Variants in MBL2 observed in about 807,000 individuals in gnomAD.
The protein encoded by MBL2 is mannose-binding protein C.
In MBL2, 6 loss-of-function variants were observed where a neutral mutation model predicts 12.7. That is an observed-to-expected ratio of 0.47 (90% confidence interval 0.26 to 0.94). The LOEUF (loss-of-function observed/expected upper bound fraction) is 0.94. Ranked by LOEUF, MBL2 falls within the 40% of genes least tolerant of loss-of-function variation. The pLI is 0.15. For synonymous variants in MBL2, 114 were observed against 112.0 expected (o/e 1.02, Z -0.11); for missense variants, 307 against 295.2 (o/e 1.04, Z -0.29).
chr10:52,771,361 C>T, intron 2 of MBL2, 88 bp downstream of exon 2: 3 of 1,438,332 alleles, frequency 2.1e-6, no homozygotes, highest in Non-Finnish European at 2.8e-6. Context: ...GAAAAATATA[C>T]TCAAATAGGA....
In MBL2 at chr10:52,768,459, T is replaced by C. The variant is rs751956734; in HGVS notation, c.425A>G (p.Asn142Ser). 94 of 1,604,824 alleles carry C rather than the reference T, an allele frequency of 5.9e-5. No homozygotes were observed. The highest frequency in any genetic ancestry group is 7.6e-5 in the Non-Finnish European group (90 of 1,176,660). ...TTTTTCAAAGGTCATTATTTCACCA[T>C]TGGTCAGGAAGAACTTGTTCCCAAC... The part of the protein sequence containing the change: ...KQVGNKFFLT[N>S]GEIMTFEKVK... The change falls in exon 5 of 5, where the codon AAT (asparagine) becomes AGT (serine). Residue 142 changes from asparagine (N) to serine (S), a missense_variant. Coordinates refer to ENST00000674931, the MANE Select transcript of MBL2 (RefSeq NM_001378373.1).
chr10:52,768,045 A>G lies in MBL2; in HGVS notation c.*92T>C, dbSNP rs1011311483. On this transcript the variant is annotated 3_prime_UTR_variant, in exon 5 of 5. Transcript: ENST00000674931. ...GCCCACAAAAGGAACAATACTGGATATGAGGAAATTGATATAATTTATCTT... is the reference window on the plus strand; with the variant it reads ...GCCCACAAAAGGAACAATACTGGATGTGAGGAAATTGATATAATTTATCTT... The G allele has an allele frequency of 6.2e-6, 9 of 1,461,330 alleles. No individual in the cohort carries two copies. The African/African-American group carries it at 1.3e-4, about 21-fold the overall frequency. The allele number at this position is 1,461,330 out of a possible 1,614,324, so 90.5% of individuals were successfully genotyped here.
Position 52,768,360 on chromosome 10 carries a change from T to C in MBL2, c.524A>G (p.Gln175Arg), listed in dbSNP as rs2132691195. The C allele has an allele frequency of 6.2e-7, 1 of 1,613,972 alleles. No individual in the cohort carries two copies. The highest frequency in any genetic ancestry group is 8.5e-7 in the Non-Finnish European group (1 of 1,180,002). The change falls in exon 5 of 5, where the codon CAG (glutamine) becomes CGG (arginine). Residue 175 changes from glutamine to arginine, a missense_variant. By Grantham distance (43) the Gln-to-Arg change is conservative. Coordinates refer to ENST00000674931, the MANE Select transcript of MBL2 (RefSeq NM_001378373.1). ...PRNAAENGAI[Q>R]NLIKEEAFLG... ...GAAGGCTTCCTCCTTGATGAGATTC[T>C]GAATGGCTCCATTCTCTGCAGCATT... is the stretch of plus-strand genomic sequence containing the variant.
At chr10:52,769,734 T>A (rs539671819) in intron 3 of MBL2, among the ~76,000 whole-genome samples, 1 of 152,308 alleles carries the variant, frequency 6.6e-6, no homozygotes, top group African/African-American at 2.4e-5. Flanking sequence ...TTGGAGAGGT[T>A]TTGCTTTTGA....
chr10:52,769,406 GA>G (rs199674444), intron 3 of MBL2, 91 bp from the exon 4 acceptor site: 88 of 630,294 alleles, frequency 1.4e-4, no homozygotes, highest in East Asian at 2.4e-4. Flanking sequence ...TTTTCAAACT[GA>G]AAAAAAAAGC....
Position 52,772,425 on chromosome 10 carries a change from A to T in MBL2, c.-10+312T>A, listed in dbSNP as rs189673612. On this transcript the variant is annotated intron_variant, in intron 1 of 4. Transcript: ENST00000674931. ...ATCCTCCTCCCATTTCTCAGTATTA[A>T]CCTTTCATTTGTTCTTCAGAGCTTT... is the stretch of plus-strand genomic sequence containing the variant. 1.1e-4 allele frequency among the ~76,000 whole-genome samples: 16 copies of T among 152,122 alleles called. No individual in the cohort carries two copies. The East Asian group carries it at 2.9e-3, about 28-fold the overall frequency.
At chr10:52,770,236 T>A (rs905320974) in intron 3 of MBL2, among the ~76,000 whole-genome samples, 4 of 152,236 alleles carry the variant, frequency 2.6e-5, no homozygotes, top group African/African-American at 9.6e-5. Flanking sequence ...CCCACAGACT[T>A]GTGATTTAAA....
At chr10:52,770,383 G>T (rs548047481) in intron 3 of MBL2, among the ~76,000 whole-genome samples, 7 of 152,300 alleles carry the variant, frequency 4.6e-5, no homozygotes, top group Admixed American at 4.6e-4. Context: ...CTCCCTCTAG[G>T]ACCAGGGCCT....
Position 52,765,758 on chromosome 10 carries a change from T to C in MBL2, c.*2379A>G, listed in dbSNP as rs2132688584. 6.6e-6 allele frequency: 1 copy of C among 152,232 alleles called. No homozygotes were observed. Among genetic ancestry groups the C allele is most frequent in the South Asian group, 2.1e-4 (1 of 4,824 alleles). The allele number at this position is 152,232 out of a possible 1,614,324, so 9.4% of individuals were successfully genotyped here. A position where few individuals can be genotyped will look rare whatever the true frequency, so the allele number is the denominator to read the frequency against. ...CAGGAGTCTATACCTGATCTGGTGG[T>C]CTCTGTATTGGGGTTGCTAACCAGT... On this transcript the variant is annotated 3_prime_UTR_variant, in exon 5 of 5. Coordinates refer to ENST00000674931, the MANE Select transcript of MBL2 (RefSeq NM_001378373.1).
Position 52,768,018 on chromosome 10 carries a change from T to C in MBL2, c.*119A>G. The C allele has an allele frequency of 1.6e-6, 2 of 1,285,996 alleles. No homozygotes were observed. Among genetic ancestry groups the C allele is most frequent in the African/African-American group, 1.5e-5 (1 of 66,780 alleles). 79.7% of individuals were successfully genotyped at this position (1,285,996 alleles called of 1,614,324 possible). On this transcript the variant is annotated 3_prime_UTR_variant, in exon 5 of 5. Coordinates refer to ENST00000674931, the MANE Select transcript of MBL2 (RefSeq NM_001378373.1). ...TGCTGTTAGTGATCATTTTTAGTGA[T>C]TGCCCACAAAAGGAACAATACTGGA...
In MBL2 at chr10:52,769,228, A is replaced by T. The variant is rs1840353283; in HGVS notation, c.373+19T>A. ...TTCCCAAACTTCAAGCTGCCTGGAG[A>T]GTAAGAGAAAAAGCTTACACTTTTT... On this transcript the variant is annotated intron_variant, in intron 4 of 4. Coordinates refer to ENST00000674931, the MANE Select transcript of MBL2 (RefSeq NM_001378373.1). The T allele has an allele frequency of 3.8e-6, 6 of 1,573,388 alleles. No individual in the cohort carries two copies. The highest frequency in any genetic ancestry group is 5.2e-6 in the Non-Finnish European group (6 of 1,154,870).
At position 52,768,462 on chromosome 10, in the gene MBL2, G is replaced by A. The variant is rs755256959; in HGVS notation, c.422C>T (p.Thr141Ile). The A allele has an allele frequency of 3.4e-5, 55 of 1,602,482 alleles. No homozygotes were observed. The highest frequency in any genetic ancestry group is 1.7e-4 in the Middle Eastern group (1 of 5,988). ...TTCAAAGGTCATTATTTCACCATTGGTCAGGAAGAACTTGTTCCCAACTTG... is the reference window on the plus strand; with the variant it reads ...TTCAAAGGTCATTATTTCACCATTGATCAGGAAGAACTTGTTCCCAACTTG... ...GKQVGNKFFLTNGEIMTFEKV... is the reference protein window; with the variant it reads ...GKQVGNKFFLINGEIMTFEKV... Residue 141 changes from threonine (T) to isoleucine (I), a missense_variant, in exon 5 of 5, where the codon ACC becomes ATC. Coordinates refer to ENST00000674931, the MANE Select transcript of MBL2 (RefSeq NM_001378373.1).
Position 52,768,228 on chromosome 10 carries a change from T to A in MBL2, c.656A>T (p.Asp219Val), listed in dbSNP as rs780449116. ...NEGEPNNAGS[D>V]EDCVLLLKNG... is the part of the protein sequence containing the mutation. Reference sequence around the variant, plus strand: ...TTTCAGTAGCAATACACAATCTTCATCAGAACCAGCATTGTTGGGTTCACC... The same window carrying A: ...TTTCAGTAGCAATACACAATCTTCAACAGAACCAGCATTGTTGGGTTCACC... The change falls in exon 5 of 5, where the codon GAT (aspartate) becomes GTT (valine). Residue 219 changes from aspartate to valine, a missense_variant. Physicochemically the swap from Asp to Val is radical, Grantham distance 152. Transcript: ENST00000674931. The A allele has an allele frequency of 4.3e-6, 7 of 1,613,744 alleles. No individual in the cohort carries two copies. The East Asian group carries it at 1.6e-4, about 36-fold the overall frequency.
chr10:52,772,607 C>G (rs573276630), intron 1 of MBL2, 130 bp downstream of exon 1: 14 of 346,122 alleles, frequency 4.0e-5, no homozygotes, highest in Non-Finnish European at 4.9e-5. Context: ...AAGAGACATC[C>G]TCAACCTGAT....
Position 52,768,037 on chromosome 10 carries a change from T to C in MBL2, c.*100A>G, listed in dbSNP as rs1000167296. 39 of 1,438,782 alleles carry C rather than the reference T, an allele frequency of 2.7e-5. No individual in the cohort carries two copies. Among genetic ancestry groups the C allele is most frequent in the Non-Finnish European group, 3.6e-5 (39 of 1,070,308 alleles). 89.1% of individuals were successfully genotyped at this position (1,438,782 alleles called of 1,614,324 possible). On this transcript the variant is annotated 3_prime_UTR_variant, in exon 5 of 5. Transcript: ENST00000674931. ...TAGTGATTGCCCACAAAAGGAACAA[T>C]ACTGGATATGAGGAAATTGATATAA...
rs56129213 is a variant in MBL2, at chr10:52,767,322, C to T, written c.*815G>A. 5 of 152,082 alleles carry T rather than the reference C, an allele frequency of 3.3e-5. No homozygotes were observed. In the South Asian group the frequency reaches 1.0e-3, roughly 32 times the overall value. The allele number at this position is 152,082 out of a possible 1,614,324, so 9.4% of individuals were successfully genotyped here. ...CTACATGGCAATGAAAAGGATGAAA[C>T]TTTTGTACACATGACATGAATGAAT... On this transcript the variant is annotated 3_prime_UTR_variant, in exon 5 of 5. Coordinates refer to ENST00000674931, the MANE Select transcript of MBL2 (RefSeq NM_001378373.1).
In MBL2 at chr10:52,766,178, T is replaced by C. The variant is rs564195306; in HGVS notation, c.*1959A>G. 6.6e-6 allele frequency: 1 copy of C among 152,290 alleles called. No individual in the cohort carries two copies. The highest frequency in any genetic ancestry group is 1.5e-5 in the Non-Finnish European group (1 of 68,030). The allele number at this position is 152,290 out of a possible 1,614,324, so 9.4% of individuals were successfully genotyped here. On this transcript the variant is annotated 3_prime_UTR_variant, in exon 5 of 5. Coordinates refer to ENST00000674931, the MANE Select transcript of MBL2 (RefSeq NM_001378373.1). ...TGCATAAGTTGATTGATAGACTCAA[T>C]GTGGTCCCAGTAGAAACCTCATCAG...
intron 1 of MBL2, among the ~76,000 whole-genome samples, chr10:52,772,174 TCTCAACCTCAGATCAAC>T (rs1255439546): frequency 6.6e-6 from 1 of 152,150 alleles, no homozygotes; most frequent in Non-Finnish European, 1.5e-5. Context: ...AAGAGGAAGG[TCTCAACCTCAGATCAAC>T]CTCAACCTTA....
Position 52,771,662 on chromosome 10 carries a change from C to A in MBL2, c.-9-18G>T, listed in dbSNP as rs376929554. Reference sequence around the variant, plus strand: ...GTCCTCACCTTGGTGTGAGAAAACTCAGGGAAGGTTAATCTCAGTTAATGA... The same window carrying A: ...GTCCTCACCTTGGTGTGAGAAAACTAAGGGAAGGTTAATCTCAGTTAATGA... On this transcript the variant is annotated intron_variant, in intron 1 of 4. Coordinates refer to ENST00000674931, the MANE Select transcript of MBL2 (RefSeq NM_001378373.1). 7 of 1,606,492 alleles carry A rather than the reference C, an allele frequency of 4.4e-6. No homozygotes were observed. Among genetic ancestry groups the A allele is most frequent in the Non-Finnish European group, 6.0e-6 (7 of 1,175,932 alleles).
Sources: allele counts gnomAD v4.1 joint callset (sites outside exome capture counted in the v4.1 genomes callset), GRCh38; gene constraint gnomAD v4.1.1; transcripts MANE v1.5; gene names NCBI Gene and HGNC (gene_info 2026-07-23, HGNC 2026-07-21).